TPH1: variants seen among roughly 807,000 people sequenced by gnomAD.
The protein encoded by TPH1 is tryptophan hydroxylase 1.
In TPH1, 37 loss-of-function variants were observed where a neutral mutation model predicts 49.5. The ratio of observed to expected loss-of-function variants is 0.75; its 90% confidence interval spans 0.58 to 0.98. The LOEUF (loss-of-function observed/expected upper bound fraction) is 0.98, where lower values mean the gene tolerates loss of function less well. Ranked by LOEUF, TPH1 falls within the 50% of genes least tolerant of loss-of-function variation. The pLI is 0.00. For synonymous variants in TPH1, 160 were observed against 182.1 expected (o/e 0.88, Z 0.98); for missense variants, 487 against 523.6 (o/e 0.93, Z 0.68).
intron 8 of TPH1, among the ~76,000 whole-genome samples, chr11:18,024,826 T>C (rs1424344551): frequency 6.6e-6 from 1 of 152,236 alleles, no homozygotes; most frequent in Non-Finnish European, 1.5e-5. Context: ...TTGGACACTC[T>C]GCTCCAGCTT....
chr11:18,019,354 CATTAATGGAAATTAA>C lies in TPH1; in HGVS notation c.*1622_*1636del, dbSNP rs1374986009. The stretch of plus-strand genomic sequence containing the variant: ...ATTGAAAATACGATGTTTAATATAC[CATTAATGGAAATTAA>C]ATTACTGGGAAAGGAAGCTGATGGA... On this transcript the variant is annotated 3_prime_UTR_variant, in exon 11 of 11. Transcript: ENST00000682019. 4 of 199,732 alleles carry C rather than the reference CATTAATGGAAATTAA, an allele frequency of 2.0e-5. No homozygotes were observed. The South Asian group carries it at 2.5e-4, about 13-fold the overall frequency. 12.4% of individuals were successfully genotyped at this position (199,732 alleles called of 1,614,324 possible). A position where few individuals can be genotyped will look rare whatever the true frequency, so the allele number is the denominator to read the frequency against.
At chr11:18,032,694 C>T (rs552982442) in intron 4 of TPH1, among the ~76,000 whole-genome samples, 17 of 151,396 alleles carry the variant, frequency 1.1e-4, no homozygotes, top group East Asian at 3.9e-4. Flanking sequence ...TACAGGCGCC[C>T]GCCACCACGC....
intron 2 of TPH1, among the ~76,000 whole-genome samples, chr11:18,040,022 A>G (rs1373685332): frequency 6.6e-6 from 1 of 151,804 alleles, no homozygotes; most frequent in Non-Finnish European, 1.5e-5. Flanking sequence ...TCTTTGCTAC[A>G]TGAAAATAAT....
rs1847958985 is a variant in TPH1 at position 18,029,224 on chromosome 11, T to C, written c.608A>G (p.Tyr203Cys). ...GATATTATCCTCCCGATATCCACAA[T>C]ATTTAGAAAGCAAAGGTAAGTTTTT... ...YLKNLPLLSK[Y>C]CGYREDNIPQ... The change falls in exon 6 of 11, where the codon TAT (tyrosine) becomes TGT (cysteine). Residue 203 changes from tyrosine to cysteine, a missense_variant. By Grantham distance (194) the Tyr-to-Cys change is radical. Transcript: ENST00000682019. The C allele has an allele frequency of 6.2e-7, 1 of 1,613,940 alleles. No individual in the cohort carries two copies. Among genetic ancestry groups the C allele is most frequent in the East Asian group, 2.2e-5 (1 of 44,854 alleles).
intron 1 of TPH1, among the ~76,000 whole-genome samples, chr11:18,042,028 A>G (rs985666000): frequency 3.3e-5 from 5 of 152,204 alleles, no homozygotes; most frequent in Non-Finnish European, 7.3e-5. Flanking sequence ...AGGGACACTG[A>G]GATCCCAGCC....
chr11:18,025,738 T>C lies in TPH1; in HGVS notation c.804-37A>G, dbSNP rs747654510. Reference sequence around the variant, plus strand: ...GTACAAGTTTGTCACGCTGCAGTGCTTAACATACGTTTATAATCAACCATT... The same window carrying C: ...GTACAAGTTTGTCACGCTGCAGTGCCTAACATACGTTTATAATCAACCATT... On this transcript the variant is annotated intron_variant, in intron 7 of 10. Transcript: ENST00000682019. The C allele has an allele frequency of 5.0e-6, 8 of 1,612,488 alleles. No individual in the cohort carries two copies. In the Admixed American group the frequency reaches 1.2e-4, roughly 24 times the overall value.
rs756245253 is a variant in TPH1, at chr11:18,036,116, G to A, written c.144C>T (p.Ile48=). 19 of 1,612,900 alleles carry A rather than the reference G, an allele frequency of 1.2e-5. No homozygotes were observed. Among genetic ancestry groups the A allele is most frequent in the South Asian group, 1.1e-4 (10 of 91,026 alleles). The change falls in exon 3 of 11, where the codon ATC becomes ATT. Residue 48 remains isoleucine (I), a synonymous_variant. Coordinates refer to ENST00000682019, the MANE Select transcript of TPH1 (RefSeq NM_004179.3). The part of the protein sequence containing the change: ...FQEKHVNLLH[I]ESRKSKRRNS... ...TTCTTCTTTTTGATTTTCGGGACTC[G>A]ATATGTAACAGATTCACATGCTTCT...
Position 18,019,911 on chromosome 11 carries a change from TTGACCTTTC to T in TPH1, c.*1071_*1079del. On this transcript the variant is annotated 3_prime_UTR_variant, in exon 11 of 11. Transcript: ENST00000682019. ...CAGTCTCAGTCCTAAACCACTCTTC[TTGACCTTTC>T]TGACATTCTATTTCCTCCCCTTTTC... 8.3e-6 allele frequency: 3 copies of T among 361,356 alleles called. No individual in the cohort carries two copies. The highest frequency in any genetic ancestry group is 1.1e-5 in the Non-Finnish European group (2 of 184,026). 22.4% of individuals were successfully genotyped at this position (361,356 alleles called of 1,614,324 possible).
At chr11:18,040,878 A>G in intron 1 of TPH1, 90 bp from the exon 2 acceptor site, 1 of 1,252,976 alleles carries the variant, frequency 8.0e-7, no homozygotes, top group Non-Finnish European at 1.1e-6. Flanking sequence ...TACTTCTAGG[A>G]GCTTCAGTTT....
chr11:18,029,641 G>T (rs1415250581), intron 4 of TPH1, 62 bp from the exon 5 acceptor site: 6 of 1,355,316 alleles, frequency 4.4e-6, no homozygotes, highest in Non-Finnish European at 6.3e-6. Flanking sequence ...AATGATATTT[G>T]GGAAACATTT....
intron 1 of TPH1, chr11:18,041,361 A>C (rs991085562): frequency 2.0e-5 from 3 of 152,854 alleles, no homozygotes; most frequent in African/African-American, 7.2e-5. Context: ...CCAGAGATCT[A>C]CTTTGGTATC....
At position 18,025,634 on chromosome 11, in the gene TPH1, G is replaced by T; in HGVS notation, c.871C>A (p.Gln291Lys). 6.2e-7 allele frequency: 1 copy of T among 1,614,028 alleles called. No homozygotes were observed. The highest frequency in any genetic ancestry group is 8.5e-7 in the Non-Finnish European group (1 of 1,179,914). Residue 291 changes from glutamine (Q) to lysine (K), a missense_variant, in exon 8 of 11, where the codon CAA becomes AAA. Gln to Lys is a moderately conservative substitution (Grantham distance 53). Transcript: ENST00000682019. Reference sequence around the variant, plus strand: ...CCAAGAGAAGCCAAGCCAATTTCTTGGGAGAATTGGGCAAAACTAGGTTCA... The same window carrying T: ...CCAAGAGAAGCCAAGCCAATTTCTTTGGAGAATTGGGCAAAACTAGGTTCA... ...LAEPSFAQFS[Q>K]EIGLASLGAS...
chr11:18,029,429 T>C (rs959706391), intron 5 of TPH1, 68 bp from the exon 6 acceptor site: 3 of 1,562,044 alleles, frequency 1.9e-6, no homozygotes, highest in Non-Finnish European at 2.6e-6. Flanking sequence ...TATTTCACTT[T>C]CTACTTACCA....
rs555298123 is a variant in TPH1, at chr11:18,044,251, G to A, written c.-27+1990C>T. Among the ~76,000 whole-genome samples, 9 of 152,010 alleles carry A rather than the reference G, an allele frequency of 5.9e-5. No individual in the cohort carries two copies. The South Asian group carries it at 8.3e-4, about 14-fold the overall frequency. ...ATCCTGGCCAACATGGTGAAACCCC[G>A]TCTCTACTAAAAATACAAAAATTGG... On this transcript the variant is annotated intron_variant, in intron 1 of 10. Coordinates refer to ENST00000682019, the MANE Select transcript of TPH1 (RefSeq NM_004179.3).
At position 18,036,006 on chromosome 11, in the gene TPH1, T is replaced by C. The variant is rs373679996; in HGVS notation, c.254A>G (p.Asn85Ser). The part of the protein sequence containing the change: ...DIFHLLKSHT[N>S]VLSVNLPDNF... ...ATCTGGTAGATTCACAGAGAGAACA[T>C]TGGTATGAGACTTCAGCAGATGAAA... Residue 85 changes from asparagine (N) to serine (S), a missense_variant, in exon 3 of 11, where the codon AAT (asparagine) becomes AGT (serine). Transcript: ENST00000682019. 4 of 1,612,504 alleles carry C rather than the reference T, an allele frequency of 2.5e-6. No individual in the cohort carries two copies. The highest frequency in any genetic ancestry group is 2.7e-5 in the African/African-American group (2 of 74,886).
chr11:18,035,491 TC>T (rs1204119941), intron 3 of TPH1, among the ~76,000 whole-genome samples: 1 of 148,046 alleles, frequency 6.8e-6, no homozygotes, highest in African/African-American at 2.5e-5. Context: ...AGTGGTACAA[TC>T]TCGGCTCAGC....
At chr11:18,044,389 T>C (rs1265456952) in intron 1 of TPH1, among the ~76,000 whole-genome samples, 2 of 151,956 alleles carry the variant, frequency 1.3e-5, no homozygotes, top group Non-Finnish European at 2.9e-5. Flanking sequence ...GCCACTGCAC[T>C]CCAGCCCAGG....
At chr11:18,025,268 A>T (rs1398780844) in intron 8 of TPH1, among the ~76,000 whole-genome samples, 1 of 152,120 alleles carries the variant, frequency 6.6e-6, no homozygotes, top group African/African-American at 2.4e-5. Context: ...TAAACCTTAA[A>T]ATTTTACATC....
intron 9 of TPH1, among the ~76,000 whole-genome samples, 154 bp downstream of exon 9, chr11:18,023,734 A>G (rs1185571142): frequency 6.6e-6 from 1 of 152,164 alleles, no homozygotes; most frequent in Non-Finnish European, 1.5e-5. Flanking sequence ...TATAATATAT[A>G]ATTGGGAAAT....
Sources: allele counts gnomAD v4.1 joint callset (sites outside exome capture counted in the v4.1 genomes callset), GRCh38; gene constraint gnomAD v4.1.1; transcripts MANE v1.5; gene names NCBI Gene and HGNC (gene_info 2026-07-23, HGNC 2026-07-21).